PAN3: variants seen among roughly 807,000 people sequenced by gnomAD.
PAN3 encodes the protein poly(A) specific ribonuclease subunit PAN3, also known as PAN2-PAN3 deadenylation complex subunit PAN3.
In PAN3, 19 loss-of-function variants were observed where a neutral mutation model predicts 96.2. The ratio of observed to expected loss-of-function variants is 0.20; its 90% CI spans 0.14 to 0.29. The LOEUF is 0.29. Ranked by LOEUF, PAN3 falls within the 10% of genes least tolerant of loss-of-function variation. PAN3 has a pLI of 1.00. For synonymous variants in PAN3, 433 were observed against 406.6 expected (o/e 1.06, Z -0.78); for missense variants, 882 against 1,108.1 (o/e 0.80, Z 2.90).
intron 9 of PAN3, among the ~76,000 whole-genome samples, chr13:28,265,719 G>GTTTTTTT (rs1250740692): frequency 1.0e-4 from 1 of 10,044 alleles, no homozygotes; most frequent in Non-Finnish European, 1.5e-4. Flanking sequence ...TGTTTATAGG[G>GTTTTTTT]TTTTTTTTTT....
intron 4 of PAN3, among the ~76,000 whole-genome samples, chr13:28,185,833 T>G (rs1876392620): frequency 6.6e-6 from 1 of 152,196 alleles, no homozygotes; most frequent in Admixed American, 6.5e-5. Context: ...AGTAGATCAT[T>G]CTAAGGTTAG....
intron 13 of PAN3, among the ~76,000 whole-genome samples, chr13:28,271,319 G>A (rs1266657975): frequency 6.6e-6 from 1 of 152,136 alleles, no homozygotes. Flanking sequence ...TGAGTCACAT[G>A]CTTTGAGAAC....
At chr13:28,215,889 G>A (rs1301143262) in intron 5 of PAN3, 1 of 1,333,112 alleles carries the variant, frequency 7.5e-7, no homozygotes, top group Non-Finnish European at 1.1e-6. Flanking sequence ...ATCTCAGAAG[G>A]CTAAATGAAT....
intron 4 of PAN3, among the ~76,000 whole-genome samples, chr13:28,178,318 A>G (rs2138121900): frequency 1.3e-5 from 2 of 152,216 alleles, no homozygotes; most frequent in South Asian, 4.1e-4. Flanking sequence ...ATTCTTCCCT[A>G]ATTTACTCCT....
At chr13:28,181,037 G>A (rs1288796965) in intron 4 of PAN3, among the ~76,000 whole-genome samples, 2 of 152,148 alleles carry the variant, frequency 1.3e-5, no homozygotes, top group African/African-American at 4.8e-5. Flanking sequence ...GTTTTTTGTG[G>A]ATGAGGAATG....
intron 6 of PAN3, 84 bp downstream of exon 6, chr13:28,220,462 G>A: frequency 6.9e-6 from 10 of 1,448,240 alleles, no homozygotes; most frequent in Non-Finnish European, 9.3e-6. Flanking sequence ...AACTGAAATT[G>A]TATACTTGAA....
At chr13:28,239,147 C>A (rs1282941010) in intron 6 of PAN3, among the ~76,000 whole-genome samples, 1 of 18,838 alleles carries the variant, frequency 5.3e-5, no homozygotes. Flanking sequence ...ACCCCCCCCA[C>A]CCCCCACCCC....
At chr13:28,258,017 AT>A (rs1885360280) in intron 7 of PAN3, among the ~76,000 whole-genome samples, 1 of 151,544 alleles carries the variant, frequency 6.6e-6, no homozygotes, top group Non-Finnish European at 1.5e-5. Context: ...CACCCAGTTG[AT>A]CAGTTGGCCA....
At chr13:28,289,604 AGGCG>A (rs1566265185) in intron 18 of PAN3, among the ~76,000 whole-genome samples, 3 of 152,186 alleles carry the variant, frequency 2.0e-5, no homozygotes, top group African/African-American at 7.2e-5. Context: ...GGAAAAGGCT[AGGCG>A]CAGTAGCTCG....
Position 28,289,799 on chromosome 13 carries a change from G to A in PAN3, c.2523+1677G>A, listed in dbSNP as rs900288033. Among the ~76,000 whole-genome samples the A allele has an allele frequency of 6.6e-5, 10 of 152,216 alleles. 1 individual carries two copies. The highest frequency in any genetic ancestry group is 3.4e-3 in the Middle Eastern group (1 of 294). ...CGGGAGGCTGAGACAGGAGAATGGC[G>A]TGAACCCGGGAGGCGGAGTTTGCAG... On this transcript the variant is annotated intron_variant, in intron 18 of 18. Coordinates refer to ENST00000380958, the MANE Select transcript of PAN3 (RefSeq NM_175854.8).
At chr13:28,250,810 GA>G (rs1884660936) in intron 6 of PAN3, among the ~76,000 whole-genome samples, 1 of 152,204 alleles carries the variant, frequency 6.6e-6, no homozygotes, top group African/African-American at 2.4e-5. Flanking sequence ...AGCCTCTGCT[GA>G]GAACTCTTAA....
chr13:28,276,229 G>C (rs1388693736), intron 14 of PAN3, among the ~76,000 whole-genome samples: 1 of 152,104 alleles, frequency 6.6e-6, no homozygotes, highest in Non-Finnish European at 1.5e-5. Context: ...CTCAAGTGAT[G>C]GTAATATACA....
chr13:28,238,562 T>G (rs7333704), intron 6 of PAN3, among the ~76,000 whole-genome samples: 1 of 152,274 alleles, frequency 6.6e-6, no homozygotes, highest in South Asian at 2.1e-4. Flanking sequence ...ATGTTAAAAC[T>G]TGGAAATGAG....
chr13:28,139,507 G>GGGGTGTTTGTGTGT (rs1869344117), intron 1 of PAN3, among the ~76,000 whole-genome samples: 1 of 111,690 alleles, frequency 9.0e-6, no homozygotes, highest in African/African-American at 4.9e-5. Flanking sequence ...AGTGGGGAGG[G>GGGGTGTTTGTGTGT]GTGTGTTTGT....
rs146382719 is a variant in PAN3 at position 28,140,672 on chromosome 13, A to G, written c.430+1585A>G. Among the ~76,000 whole-genome samples the G allele has an allele frequency of 6.9e-3, 1,037 of 150,080 alleles. 10 individuals carry two copies. Among genetic ancestry groups the G allele is most frequent in the African/African-American group, 0.025 (1,003 of 40,012 alleles). ...GCTGGGATTACAGGAGTGAGGCACC[A>G]TGCTGGGCCAAGTGTTGTTCTGTTC... On this transcript the variant is annotated intron_variant, in intron 1 of 18. Transcript: ENST00000380958.
chr13:28,203,984 A>G (rs1593466952), intron 5 of PAN3, among the ~76,000 whole-genome samples: 11 of 151,582 alleles, frequency 7.3e-5, no homozygotes, highest in Admixed American at 7.2e-4. Flanking sequence ...TGTATTTTTA[A>G]TAGAAATGGG....
rs1244549901 is a variant in PAN3 at position 28,292,763 on chromosome 13, C to T, written c.*241C>T. On this transcript the variant is annotated 3_prime_UTR_variant, in exon 19 of 19. Coordinates refer to ENST00000380958, the MANE Select transcript of PAN3 (RefSeq NM_175854.8). The stretch of plus-strand genomic sequence containing the variant: ...GAATTTATTTTAGATTTAGGAGCAC[C>T]ATCAGGTGAATGATGTTCCTGCTTT... 1 of 319,198 alleles carries T rather than the reference C, an allele frequency of 3.1e-6. No individual in the cohort carries two copies. The highest frequency in any genetic ancestry group is 5.1e-5 in the East Asian group (1 of 19,446). The allele number at this position is 319,198 out of a possible 1,614,324, so 19.8% of individuals were successfully genotyped here. A position where few individuals can be genotyped will look rare whatever the true frequency, so the allele number is the denominator to read the frequency against.
intron 13 of PAN3, 48 bp downstream of exon 13, chr13:28,270,914 T>A: frequency 6.5e-7 from 1 of 1,535,092 alleles, no homozygotes; most frequent in Non-Finnish European, 8.9e-7. Context: ...GTCTTACCTT[T>A]GACAGCTTAG....
intron 1 of PAN3, among the ~76,000 whole-genome samples, chr13:28,151,205 A>G (rs2137968943): frequency 6.6e-6 from 1 of 152,266 alleles, no homozygotes; most frequent in East Asian, 1.9e-4. Context: ...AAGGAGTGAT[A>G]GAATCTAAGG....
Sources: allele counts gnomAD v4.1 joint callset (sites outside exome capture counted in the v4.1 genomes callset), GRCh38; gene constraint gnomAD v4.1.1; transcripts MANE v1.5; gene names NCBI Gene and HGNC (gene_info 2026-07-23, HGNC 2026-07-21).